PRIM2: variants seen among roughly 807,000 people sequenced by gnomAD.
PRIM2 encodes the protein DNA primase large subunit.
In PRIM2, 39 loss-of-function variants were observed where a neutral mutation model predicts 67.3. The ratio of observed to expected loss-of-function variants is 0.58; its 90% CI spans 0.45 to 0.76. The LOEUF (loss-of-function observed/expected upper bound fraction) is 0.76. Among genes scored for constraint, PRIM2 ranks in the 30% least tolerant of loss-of-function variants. The pLI, the probability that PRIM2 is intolerant of heterozygous loss-of-function variation, is 0.00. For synonymous variants in PRIM2, 143 were observed against 198.7 expected (o/e 0.72, Z 2.36); for missense variants, 398 against 598.7 (o/e 0.66, Z 3.50).
intron 10 of PRIM2, among the ~76,000 whole-genome samples, chr6:57,545,960 A>G (rs1775282619): frequency 1.3e-5 from 2 of 152,342 alleles, no homozygotes; most frequent in South Asian, 4.1e-4. Context: ...TAATTACTAA[A>G]GATAGATTGA....
chr6:57,636,849 G>A (rs1176268643), intron 13 of PRIM2, among the ~76,000 whole-genome samples: 2 of 152,214 alleles, frequency 1.3e-5, no homozygotes, highest in Admixed American at 6.5e-5. Context: ...AGACTTAAAC[G>A]TTCTTGCCTG....
In PRIM2 at chr6:57,620,754, G is replaced by A. The variant is rs1354916452; in HGVS notation, c.1231-11379G>A. ...TCAATACTAACATTGAATGTAAATG[G>A]CCTAAATGCTCCACTTAAAAGGTAC... On this transcript the variant is annotated intron_variant, in intron 12 of 13. Coordinates refer to ENST00000615550, the MANE Select transcript of PRIM2 (RefSeq NM_000947.5). Among the ~76,000 whole-genome samples the A allele has an allele frequency of 7.9e-5, 12 of 152,320 alleles. 1 individual carries two copies. The highest frequency in any genetic ancestry group is 5.9e-4 in the Admixed American group (9 of 15,300).
intron 10 of PRIM2, among the ~76,000 whole-genome samples, chr6:57,558,619 C>T (rs1775565412): frequency 1.3e-5 from 2 of 151,890 alleles, no homozygotes; most frequent in African/African-American, 4.8e-5. Context: ...TGAGAAATTA[C>T]AGGTTGGTTT....
In PRIM2 at chr6:57,521,367, G is replaced by GTTTTTTTTT. The variant is rs1163114437; in HGVS notation, c.762-11026_762-11018dup. Among the ~76,000 whole-genome samples the GTTTTTTTTT allele has an allele frequency of 4.4e-3, 427 of 97,942 alleles. 22 individuals are homozygous for GTTTTTTTTT. Among genetic ancestry groups the GTTTTTTTTT allele is most frequent in the African/African-American group, 0.015 (406 of 26,474 alleles). The allele number at this position is 97,942 out of a possible 152,430, so 64.3% of individuals were successfully genotyped here. ...GAGTGGCTTAGTTTATGTGGTTAGG[G>GTTTTTTTTT]TTTTTTTTTTTTTTTTTTTTTTTTT... On this transcript the variant is annotated intron_variant, in intron 8 of 13. Coordinates refer to ENST00000615550, the MANE Select transcript of PRIM2 (RefSeq NM_000947.5).
At chr6:57,562,528 A>G (rs1371149127) in intron 10 of PRIM2, among the ~76,000 whole-genome samples, 1 of 152,172 alleles carries the variant, frequency 6.6e-6, no homozygotes, top group African/African-American at 2.4e-5. Flanking sequence ...GCATATTTTC[A>G]GCCTAACCAC....
intron 7 of PRIM2, among the ~76,000 whole-genome samples, chr6:57,458,628 T>C (rs1452217151): frequency 7.9e-5 from 12 of 152,162 alleles, no homozygotes; most frequent in Non-Finnish European, 1.6e-4. Context: ...GAAGTTGCAG[T>C]GAGCCGAGGT....
At chr6:57,439,404 GTTTTTTTTTTTTT>G (rs149436085) in intron 7 of PRIM2, among the ~76,000 whole-genome samples, 10 of 57,068 alleles carry the variant, frequency 1.8e-4, no homozygotes, top group Admixed American at 2.6e-4. Context: ...GAGGTACTCT[GTTTTTTTTTTTTT>G]TTTTTTTTTT....
At chr6:57,466,514 C>G (rs1351767467) in intron 7 of PRIM2, among the ~76,000 whole-genome samples, 2 of 152,178 alleles carry the variant, frequency 1.3e-5, no homozygotes, top group Non-Finnish European at 2.9e-5. Context: ...GATTGTCATT[C>G]TAACTGGTGT....
the PRIM2 span, among the ~76,000 whole-genome samples, chr6:57,233,649 T>TCCTC: frequency 8.5e-6 from 1 of 117,638 alleles, no homozygotes; most frequent in Non-Finnish European, 1.7e-5. Context: ...CTCCCTTCCT[T>TCCTC]CCTCCCTCCC....
At chr6:57,522,834 GCTTT>G (rs1774654884) in intron 8 of PRIM2, among the ~76,000 whole-genome samples, 1 of 152,088 alleles carries the variant, frequency 6.6e-6, no homozygotes, top group Non-Finnish European at 1.5e-5. Context: ...TAACAGTAAA[GCTTT>G]ATAAAAATGG....
intron 13 of PRIM2, among the ~76,000 whole-genome samples, chr6:57,642,482 G>A (rs1468085853): frequency 2.8e-5 from 3 of 105,286 alleles, no homozygotes; most frequent in East Asian, 3.1e-4. Context: ...TCGCTCTGTC[G>A]CCCAGGCTGG....
At chr6:57,436,849 A>C (rs1772028634) in intron 7 of PRIM2, among the ~76,000 whole-genome samples, 1 of 152,160 alleles carries the variant, frequency 6.6e-6, no homozygotes, top group South Asian at 2.1e-4. Context: ...TTGAAATTGG[A>C]ACAAAGTGCT....
intron 7 of PRIM2, among the ~76,000 whole-genome samples, chr6:57,462,973 G>A (rs1773057215): frequency 6.6e-6 from 1 of 152,200 alleles, no homozygotes; most frequent in Admixed American, 6.5e-5. Context: ...GGTTCATTAT[G>A]TCACATGTTA....
intron 7 of PRIM2, among the ~76,000 whole-genome samples, chr6:57,445,328 A>G (rs1192590184): frequency 6.6e-6 from 1 of 152,176 alleles, no homozygotes; most frequent in Non-Finnish European, 1.5e-5. Flanking sequence ...GTATATGAGT[A>G]CGTAACAAAA....
At chr6:57,510,664 C>T (rs1554347633) in intron 8 of PRIM2, among the ~76,000 whole-genome samples, 14 of 151,988 alleles carry the variant, frequency 9.2e-5, no homozygotes, top group East Asian at 7.7e-4. Context: ...TTAAACAAAA[C>T]GGTTTCTCAT....
At chr6:57,545,626 G>A (rs1322688331) in intron 10 of PRIM2, among the ~76,000 whole-genome samples, 4 of 152,002 alleles carry the variant, frequency 2.6e-5, no homozygotes, top group Admixed American at 2.6e-4. Flanking sequence ...TAGAGGTGGG[G>A]TTTCTTCATG....
the PRIM2 span, among the ~76,000 whole-genome samples, chr6:57,243,159 A>G: frequency 2.0e-5 from 3 of 152,260 alleles, no homozygotes; most frequent in Admixed American, 1.3e-4. Flanking sequence ...CTTAGAATGC[A>G]AATGGCAAAA....
intron 5 of PRIM2, among the ~76,000 whole-genome samples, chr6:57,349,733 G>T (rs938695800): frequency 4.6e-5 from 7 of 151,994 alleles, no homozygotes; most frequent in Non-Finnish European, 7.4e-5. Flanking sequence ...CTTTTTGGAA[G>T]ATTTAAAGTA....
Position 57,536,771 on chromosome 6 carries a change from C to T in PRIM2, c.835-669C>T, listed in dbSNP as rs1183276522. 2.0e-4 allele frequency among the ~76,000 whole-genome samples: 31 copies of T among 152,096 alleles called. 1 individual carries two copies. On this transcript the variant is annotated intron_variant, in intron 9 of 13. Coordinates refer to ENST00000615550, the MANE Select transcript of PRIM2 (RefSeq NM_000947.5). ...TGATTCTATTATACTCTTGAAATGA[C>T]AAAATTATAGAGATGGAGAACCAGA...
Sources: allele counts gnomAD v4.1 joint callset (sites outside exome capture counted in the v4.1 genomes callset), GRCh38; gene constraint gnomAD v4.1.1; transcripts MANE v1.5; gene names NCBI Gene and HGNC (gene_info 2026-07-23, HGNC 2026-07-21).